C6orf58: variants seen among roughly 807,000 people sequenced by gnomAD.
The protein encoded by C6orf58 is protein LEG1 homolog.
Under a neutral mutation model 37.0 loss-of-function variants are expected in C6orf58, and 30 were observed. That is an observed-to-expected ratio of 0.81 (90% confidence interval 0.61 to 1.10). The LOEUF is 1.10. Among genes scored for constraint, C6orf58 ranks in the 50% least tolerant of loss-of-function variants. The pLI is 0.00. For synonymous variants in C6orf58, 143 were observed against 134.1 expected, an observed-to-expected ratio of 1.07 and a Z score of -0.46; for missense variants, 368 against 387.5, an observed-to-expected ratio of 0.95 and a Z score of 0.42.
At chr6:127,586,216 C>A (rs1033238895) in intron 4 of C6orf58, among the ~76,000 whole-genome samples, 4 of 152,166 alleles carry the variant, frequency 2.6e-5, no homozygotes, top group African/African-American at 9.6e-5. Flanking sequence ...TATTAACAGT[C>A]CCAAAAAGCA....
In C6orf58 at chr6:127,581,171, CT is replaced by C; in HGVS notation, c.574-8del. The C allele has an allele frequency of 1.5e-6, 2 of 1,373,308 alleles. No individual in the cohort carries two copies. Among genetic ancestry groups the C allele is most frequent in the Non-Finnish European group, 2.0e-6 (2 of 1,009,144 alleles). 85.1% of individuals were successfully genotyped at this position (1,373,308 alleles called of 1,614,324 possible). A position where few individuals can be genotyped will look rare whatever the true frequency, so the allele number is the denominator to read the frequency against. ...GCTCAAATATTAATAAATTTGACCT[CT>C]TTACCTTAGTATTTGCAGTCACCTT... On this transcript the variant is annotated splice_polypyrimidine_tract_variant and intron_variant, in intron 3 of 5. Coordinates refer to ENST00000329722, the MANE Select transcript of C6orf58 (RefSeq NM_001010905.3).
chr6:127,581,766 A>G (rs58772400), intron 4 of C6orf58, among the ~76,000 whole-genome samples: 6,373 of 152,198 alleles, frequency 0.042, 329 homozygotes, highest in African/African-American at 0.12. Flanking sequence ...AGAAAGTGAC[A>G]TATGGAAACA....
rs761198493 is a variant in C6orf58 at position 127,577,369 on chromosome 6, G to A, written c.184G>A (p.Gly62Arg). 8.7e-6 allele frequency: 14 copies of A among 1,613,512 alleles called. No individual in the cohort carries two copies. Among genetic ancestry groups the A allele is most frequent in the Non-Finnish European group, 1.2e-5 (14 of 1,179,584 alleles). The change falls in exon 1 of 6, where the codon GGG (glycine) becomes AGG (arginine). Residue 62 changes from glycine to arginine, a missense_variant. Transcript: ENST00000329722. ...TCCCTGGGTATACCTTGAGAGAATG[G>A]GGATGTATAAAATCATATTGAATCA... is the stretch of plus-strand genomic sequence containing the variant. ...INPWVYLERM[G>R]MYKIILNQTA...
In C6orf58 at chr6:127,577,480, A is replaced by T. The variant is rs1196957434; in HGVS notation, c.295A>T (p.Arg99Trp). Residue 99 changes from arginine (R) to tryptophan (W), a missense_variant, in exon 1 of 6, where the codon AGG becomes TGG. By Grantham distance (101) the Arg-to-Trp change is moderately radical (BLOSUM62 -3). Coordinates refer to ENST00000329722, the MANE Select transcript of C6orf58 (RefSeq NM_001010905.3). ...GCCTCTGCAGTATGGCTGGCAATAT[A>T]GGACAGGTAAGAATGACTCTTGTTT... ...GLPLQYGWQYRTGRLADPTRR... is the reference protein window; with the variant it reads ...GLPLQYGWQYWTGRLADPTRR... 6.2e-7 allele frequency: 1 copy of T among 1,613,182 alleles called. No individual in the cohort carries two copies. Among genetic ancestry groups the T allele is most frequent in the African/African-American group, 1.3e-5 (1 of 74,892 alleles).
At chr6:127,590,861 A>G (rs1583132059) in intron 5 of C6orf58, among the ~76,000 whole-genome samples, 1 of 152,254 alleles carries the variant, frequency 6.6e-6, no homozygotes, top group East Asian at 1.9e-4. Context: ...TTTATCTACC[A>G]GTTTGAAAGT....
chr6:127,579,035 C>G lies in C6orf58; in HGVS notation c.388+263C>G, dbSNP rs1775020569. Among the ~76,000 whole-genome samples, 4 of 152,036 alleles carry G rather than the reference C, an allele frequency of 2.6e-5. No homozygotes were observed. The South Asian group carries it at 8.3e-4, about 32-fold the overall frequency. On this transcript the variant is annotated intron_variant, in intron 2 of 5. Transcript: ENST00000329722. Reference sequence around the variant, plus strand: ...TGCAAAAGCAGTGGCCTCTGAGGGGCCAGCTCTGGTAGTTAGGTGGGAGGT... The same window carrying G: ...TGCAAAAGCAGTGGCCTCTGAGGGGGCAGCTCTGGTAGTTAGGTGGGAGGT...
At chr6:127,589,386 G>A (rs912932441) in intron 4 of C6orf58, among the ~76,000 whole-genome samples, 3 of 152,154 alleles carry the variant, frequency 2.0e-5, no homozygotes, top group African/African-American at 7.2e-5. Flanking sequence ...TGTTTAGCAT[G>A]CTTAGACAGC....
At chr6:127,589,617 C>A (rs573734602) in intron 4 of C6orf58, among the ~76,000 whole-genome samples, 5 of 152,106 alleles carry the variant, frequency 3.3e-5, no homozygotes, top group Non-Finnish European at 4.4e-5. Flanking sequence ...TAGAAGAATG[C>A]CAATTATTTA....
intron 4 of C6orf58, among the ~76,000 whole-genome samples, chr6:127,587,218 A>C (rs1775116403): frequency 6.6e-6 from 1 of 152,176 alleles, no homozygotes; most frequent in Admixed American, 6.5e-5. Flanking sequence ...AGGTTGCAAA[A>C]GTACAAGTAT....
chr6:127,588,691 G>A (rs1016817719), intron 4 of C6orf58, among the ~76,000 whole-genome samples: 9 of 152,150 alleles, frequency 5.9e-5, no homozygotes, highest in African/African-American at 1.7e-4. Context: ...TTCAACTGAT[G>A]CATTTGAAGA....
At chr6:127,581,428 G>T in intron 4 of C6orf58, 146 bp downstream of exon 4, 7 of 335,466 alleles carry the variant, frequency 2.1e-5, no homozygotes, top group East Asian at 4.5e-5. Context: ...GTGAGGATGT[G>T]TAAATATTTT....
At chr6:127,591,432 C>A in intron 5 of C6orf58, 111 bp from the exon 6 acceptor site, 2 of 956,956 alleles carry the variant, frequency 2.1e-6, no homozygotes, top group Non-Finnish European at 2.9e-6. Flanking sequence ...TATGATTTTA[C>A]CATTAAATTA....
Position 127,579,893 on chromosome 6 carries a change from T to C in C6orf58, c.389-372T>C, listed in dbSNP as rs1775029351. Among the ~76,000 whole-genome samples the C allele has an allele frequency of 2.0e-5, 3 of 152,138 alleles. No individual in the cohort carries two copies. In the South Asian group the frequency reaches 6.2e-4, roughly 32 times the overall value. Reference sequence around the variant, plus strand: ...TTTTAGAGAAAAATACAAGTACAATTCACAATAAAACCGTAATGAGAGGTT... The same window carrying C: ...TTTTAGAGAAAAATACAAGTACAATCCACAATAAAACCGTAATGAGAGGTT... On this transcript the variant is annotated intron_variant, in intron 2 of 5. Transcript: ENST00000329722.
At chr6:127,577,752 G>A (rs772936165) in intron 1 of C6orf58, among the ~76,000 whole-genome samples, 1 of 152,006 alleles carries the variant, frequency 6.6e-6, no homozygotes, top group Non-Finnish European at 1.5e-5. Context: ...CTCATCTATT[G>A]AGCATTTCAC....
chr6:127,587,685 C>T (rs1476063795), intron 4 of C6orf58, among the ~76,000 whole-genome samples: 1 of 152,116 alleles, frequency 6.6e-6, no homozygotes, highest in African/African-American at 2.4e-5. Flanking sequence ...AATCCTGGCT[C>T]ATTTGACCTA....
intron 2 of C6orf58, 141 bp from the exon 3 acceptor site, chr6:127,580,124 G>T (rs950940960): frequency 2.4e-5 from 14 of 580,520 alleles, no homozygotes; most frequent in Non-Finnish European, 3.3e-5. Context: ...GGGGATTTTT[G>T]TTCAATATTT....
chr6:127,578,146 T>A lies in C6orf58; in HGVS notation c.302-540T>A, dbSNP rs531606409. On this transcript the variant is annotated intron_variant, in intron 1 of 5. Transcript: ENST00000329722. ...GAGAGAGAGGTTAAGAAAAGAGCAA[T>A]TTCATTTGGAAGAAAAACAATGATT... Among the ~76,000 whole-genome samples the A allele has an allele frequency of 2.6e-4, 40 of 152,182 alleles. 1 individual carries two copies. The South Asian group carries it at 8.3e-3, about 32-fold the overall frequency.
At chr6:127,588,262 G>A (rs191370323) in intron 4 of C6orf58, among the ~76,000 whole-genome samples, 150 of 152,292 alleles carry the variant, frequency 9.8e-4, no homozygotes, top group Non-Finnish European at 1.9e-3. Flanking sequence ...TGTCAAAATC[G>A]TTAATATTGT....
At chr6:127,580,212 C>A in intron 2 of C6orf58, 53 bp from the exon 3 acceptor site, 1 of 1,359,268 alleles carries the variant, frequency 7.4e-7, no homozygotes, top group Non-Finnish European at 1.0e-6. Context: ...TAAAAATATC[C>A]TCTTTGAAAT....
Sources: gnomAD v4.1 joint callset for allele counts (sites outside exome capture counted in the v4.1 genomes callset) on GRCh38, gnomAD v4.1.1 for gene constraint, MANE v1.5 for transcripts, NCBI Gene and HGNC (gene_info 2026-07-23, HGNC 2026-07-21) for gene names.